The following CLEC16A variants were observed in gnomAD, a reference collection of about 807,000 sequenced individuals.
CLEC16A encodes the protein protein CLEC16A.
In CLEC16A, 51 loss-of-function variants were observed where a neutral mutation model predicts 109.5. The ratio of observed to expected loss-of-function variants is 0.47; its 90% CI spans 0.37 to 0.59. The LOEUF (loss-of-function observed/expected upper bound fraction) is 0.59. CLEC16A is among the 20% of genes least tolerant of loss of function. The pLI is 0.00. For missense variants in CLEC16A, 1,339 were observed against 1,394.0 expected, an observed-to-expected ratio of 0.96 and a Z score of 0.63; for synonymous variants, 673 against 564.2, an observed-to-expected ratio of 1.19 and a Z score of -2.73.
At chr16:11,145,982 C>G (rs942518953) in intron 22 of CLEC16A, among the ~76,000 whole-genome samples, 9 of 152,200 alleles carry the variant, frequency 5.9e-5, no homozygotes, top group Non-Finnish European at 8.8e-5. Flanking sequence ...TGGCCCACTT[C>G]AAGGCAACTT....
chr16:11,133,496 G>A (rs1372678973), intron 22 of CLEC16A, among the ~76,000 whole-genome samples: 2 of 152,182 alleles, frequency 1.3e-5, no homozygotes, highest in Non-Finnish European at 2.9e-5. Context: ...GCCGGTTCCA[G>A]AGGCAGCCCT....
chr16:11,100,117 A>G (rs751440351), intron 19 of CLEC16A, among the ~76,000 whole-genome samples: 8 of 152,130 alleles, frequency 5.3e-5, no homozygotes, highest in Non-Finnish European at 1.0e-4. Flanking sequence ...AAAAAATTCA[A>G]TCCATGGCTT....
intron 19 of CLEC16A, among the ~76,000 whole-genome samples, chr16:11,089,085 C>T (rs956755935): frequency 2.0e-5 from 3 of 152,140 alleles, no homozygotes; most frequent in Non-Finnish European, 4.4e-5. Flanking sequence ...CTCTTCGCAC[C>T]TGCACACATA....
intron 13 of CLEC16A, among the ~76,000 whole-genome samples, chr16:11,033,032 G>A (rs2046832669): frequency 6.6e-6 from 1 of 152,138 alleles, no homozygotes; most frequent in Admixed American, 6.5e-5. Flanking sequence ...GACTTGCTAA[G>A]AAGCTGTTGC....
At chr16:11,142,813 CT>C (rs1303536750) in intron 22 of CLEC16A, among the ~76,000 whole-genome samples, 5 of 152,058 alleles carry the variant, frequency 3.3e-5, no homozygotes, top group Non-Finnish European at 7.4e-5. Context: ...TTCCAGTAAA[CT>C]TTTTTATTTT....
chr16:11,034,573 C>T (rs78319720), intron 13 of CLEC16A, among the ~76,000 whole-genome samples: 15 of 151,976 alleles, frequency 9.9e-5, no homozygotes, highest in East Asian at 5.8e-4. Context: ...TTGAGAGTTC[C>T]GCCCTCCACC....
At chr16:11,169,048 C>G (rs1350197574) in intron 23 of CLEC16A, among the ~76,000 whole-genome samples, 1 of 152,234 alleles carries the variant, frequency 6.6e-6, no homozygotes, top group African/African-American at 2.4e-5. Flanking sequence ...GCTCATTCAT[C>G]CTAACCGCCC....
chr16:11,090,275 C>T (rs7193798), intron 19 of CLEC16A, among the ~76,000 whole-genome samples: 5,579 of 152,130 alleles, frequency 0.037, 385 homozygotes, highest in African/African-American at 0.13. Flanking sequence ...AGTCTGGTCT[C>T]GAACTCTGGA....
chr16:11,044,075 A>G lies in CLEC16A; in HGVS notation c.1815+3A>G. On this transcript the variant is annotated splice_donor_region_variant and intron_variant, in intron 16 of 23. Transcript: ENST00000409790. ...ACCTTGTACGACATTTTTATAAGGTAATTGGCAGAGCACAGATGGACAGCA... is the reference window on the plus strand; with the variant it reads ...ACCTTGTACGACATTTTTATAAGGTGATTGGCAGAGCACAGATGGACAGCA... 1 of 1,606,844 alleles carries G rather than the reference A, an allele frequency of 6.2e-7. No homozygotes were observed. Among genetic ancestry groups the G allele is most frequent in the Non-Finnish European group, 8.5e-7 (1 of 1,175,526 alleles).
intron 8 of CLEC16A, 23 bp from the exon 9 acceptor site, chr16:10,979,306 T>C (rs1413124377): frequency 1.2e-6 from 2 of 1,607,606 alleles, no homozygotes; most frequent in East Asian, 2.2e-5. Context: ...TCTCTCTCTC[T>C]CTCTCCTGCC....
chr16:10,959,685 C>T (rs916861319), intron 2 of CLEC16A, among the ~76,000 whole-genome samples: 1 of 151,990 alleles, frequency 6.6e-6, no homozygotes, highest in Admixed American at 6.6e-5. Flanking sequence ...AGCCACCGTG[C>T]CCAGCTGGAA....
chr16:11,061,226 G>C (rs1237886214), intron 19 of CLEC16A, among the ~76,000 whole-genome samples: 1 of 152,180 alleles, frequency 6.6e-6, no homozygotes, highest in African/African-American at 2.4e-5. Flanking sequence ...ATCAGTTTGA[G>C]GGTTCTGCTT....
At chr16:11,157,290 G>A in intron 22 of CLEC16A, 1 of 1,134,554 alleles carries the variant, frequency 8.8e-7, no homozygotes, top group Admixed American at 4.2e-5. Flanking sequence ...CTCAGGCTTG[G>A]CCCGGGAGGC....
intron 10 of CLEC16A, among the ~76,000 whole-genome samples, chr16:10,992,414 AATG>A (rs2147100159): frequency 1.3e-5 from 2 of 152,148 alleles, no homozygotes; most frequent in South Asian, 4.2e-4. Context: ...ACCACAAAGA[AATG>A]ATAAATACAT....
intron 22 of CLEC16A, among the ~76,000 whole-genome samples, chr16:11,128,936 C>T (rs745638622): frequency 8.5e-5 from 13 of 152,200 alleles, no homozygotes; most frequent in South Asian, 2.1e-4. Flanking sequence ...AATCAGATTA[C>T]GTCATACCCC....
chr16:11,000,044 G>T (rs2044576390), intron 10 of CLEC16A, among the ~76,000 whole-genome samples: 1 of 152,134 alleles, frequency 6.6e-6, no homozygotes, highest in African/African-American at 2.4e-5. Flanking sequence ...CACTATATTG[G>T]CCAGGCTGCT....
chr16:10,984,116 C>T (rs939408833), intron 10 of CLEC16A, among the ~76,000 whole-genome samples: 8 of 152,104 alleles, frequency 5.3e-5, no homozygotes, highest in Non-Finnish European at 1.2e-4. Context: ...AGGGCCAGCT[C>T]GCCCTGGGGT....
intron 19 of CLEC16A, among the ~76,000 whole-genome samples, chr16:11,063,145 C>T (rs2152908872): frequency 6.6e-6 from 1 of 152,168 alleles, no homozygotes; most frequent in Non-Finnish European, 1.5e-5. Flanking sequence ...TTTGTCTTTG[C>T]CCAGCCTGAT....
rs1490467322 is a variant in CLEC16A, at chr16:11,174,745, A to C, written c.2807-3590A>C. Among the ~76,000 whole-genome samples, 2 of 152,220 alleles carry C rather than the reference A, an allele frequency of 1.3e-5. No homozygotes were observed. The highest frequency in any genetic ancestry group is 2.1e-4 in the South Asian group (1 of 4,828). ...CATTTCTTTTTTCCTTTCTTCCCCT[A>C]GTCTTGATCTAAGATAAGTGGCAAA... On this transcript the variant is annotated intron_variant, in intron 23 of 23. Transcript: ENST00000409790. The surrounding 1 kb of genome is among the most constrained non-coding windows in gnomAD (Gnocchi z 4.7).
Sources: allele counts gnomAD v4.1 joint callset (sites outside exome capture counted in the v4.1 genomes callset), GRCh38; gene constraint gnomAD v4.1.1; non-coding constraint Gnocchi (gnomAD v3.1); transcripts MANE v1.5; gene names NCBI Gene and HGNC (gene_info 2026-07-23, HGNC 2026-07-21).